TAFA1: variants seen among roughly 807,000 people sequenced by gnomAD.
TAFA1 encodes the protein chemokine-like protein TAFA-1.
Under a neutral mutation model 18.5 loss-of-function variants are expected in TAFA1, and 4 were observed. The ratio of observed to expected loss-of-function variants is 0.22; its 90% confidence interval spans 0.11 to 0.49. TAFA1 has a LOEUF of 0.49. Among genes scored for constraint, TAFA1 ranks in the 20% least tolerant of loss-of-function variants. The pLI is 0.98. For missense variants in TAFA1, 147 were observed against 169.0 expected, an observed-to-expected ratio of 0.87 and a Z score of 0.72; for synonymous variants, 56 against 55.2, an observed-to-expected ratio of 1.01 and a Z score of -0.06.
intron 2 of TAFA1, among the ~76,000 whole-genome samples, chr3:68,163,718 A>C (rs2065951381): frequency 6.6e-6 from 1 of 152,206 alleles, no homozygotes; most frequent in African/African-American, 2.4e-5. Flanking sequence ...CAGTATCCTA[A>C]GTACCTGGTT....
At position 68,104,797 on chromosome 3, in the gene TAFA1, T is replaced by C. The variant is rs532661994; in HGVS notation, c.118+98053T>C. On this transcript the variant is annotated intron_variant, in intron 2 of 4. Coordinates refer to ENST00000478136, the MANE Select transcript of TAFA1 (RefSeq NM_213609.4). ...ACCTTAGGGCATGCAAAGACTGAAA[T>C]ATTTACTATCTATCCTTTGTGGGAA... 4.6e-5 allele frequency among the ~76,000 whole-genome samples: 7 copies of C among 152,250 alleles called. No homozygotes were observed. The South Asian group carries it at 1.5e-3, about 32-fold the overall frequency.
At chr3:68,371,875 C>T (rs2069713312) in intron 2 of TAFA1, among the ~76,000 whole-genome samples, 1 of 152,188 alleles carries the variant, frequency 6.6e-6, no homozygotes, top group Non-Finnish European at 1.5e-5. Context: ...TGGTCAGTGT[C>T]AGTACCAGCT....
At chr3:68,145,091 G>A in intron 2 of TAFA1, 1 of 1,328,386 alleles carries the variant, frequency 7.5e-7, no homozygotes, top group Non-Finnish European at 1.1e-6. Context: ...GGCCCCTGGA[G>A]GAATTGCTAC....
At chr3:68,088,359 G>A (rs1312843007) in intron 2 of TAFA1, among the ~76,000 whole-genome samples, 2 of 152,070 alleles carry the variant, frequency 1.3e-5, no homozygotes, top group African/African-American at 4.8e-5. Flanking sequence ...ACATATAGAG[G>A]TTTCCGCTCA....
At chr3:68,174,303 C>A (rs1411362838) in intron 2 of TAFA1, among the ~76,000 whole-genome samples, 2 of 152,154 alleles carry the variant, frequency 1.3e-5, no homozygotes, top group Non-Finnish European at 2.9e-5. Flanking sequence ...ATCTTGGAGT[C>A]CCACATGTTG....
chr3:68,484,567 GA>G (rs2072302564), intron 3 of TAFA1, among the ~76,000 whole-genome samples: 1 of 152,136 alleles, frequency 6.6e-6, no homozygotes, highest in South Asian at 2.1e-4. Context: ...TTTTCTGAAT[GA>G]TCAAAGCCTA....
At chr3:68,540,184 A>G (rs2073349349) in intron 4 of TAFA1, among the ~76,000 whole-genome samples, 1 of 151,896 alleles carries the variant, frequency 6.6e-6, no homozygotes, top group Admixed American at 6.6e-5. Context: ...AGGTGAAAAC[A>G]TCTTGTGTAT....
At chr3:68,084,641 A>G in intron 2 of TAFA1, among the ~76,000 whole-genome samples, 1 of 151,976 alleles carries the variant, frequency 6.6e-6, no homozygotes, top group East Asian at 1.9e-4. Flanking sequence ...CTACTAAAAC[A>G]TACAAAATTA....
intron 2 of TAFA1, among the ~76,000 whole-genome samples, chr3:68,406,314 A>G (rs966172398): frequency 6.6e-6 from 1 of 152,196 alleles, no homozygotes; most frequent in South Asian, 2.1e-4. Context: ...AGCCTAATCA[A>G]CTATTGCCTA....
At chr3:68,067,309 C>G (rs1026976749) in intron 2 of TAFA1, among the ~76,000 whole-genome samples, 1 of 152,144 alleles carries the variant, frequency 6.6e-6, no homozygotes, top group African/African-American at 2.4e-5. Context: ...GTTAAACACT[C>G]CCATTCCTTC....
At chr3:68,203,758 A>C (rs567997949) in intron 2 of TAFA1, among the ~76,000 whole-genome samples, 1 of 151,564 alleles carries the variant, frequency 6.6e-6, no homozygotes, top group African/African-American at 2.4e-5. Context: ...CTCTGATAAA[A>C]CCCCATCAAG....
At chr3:68,328,779 C>T (rs1483302396) in intron 2 of TAFA1, among the ~76,000 whole-genome samples, 2 of 151,734 alleles carry the variant, frequency 1.3e-5, no homozygotes, top group Non-Finnish European at 2.9e-5. Context: ...TGTATATGGC[C>T]TTGCATCTCT....
At chr3:68,467,641 C>T (rs1458245502) in intron 3 of TAFA1, among the ~76,000 whole-genome samples, 2 of 152,118 alleles carry the variant, frequency 1.3e-5, no homozygotes, top group African/African-American at 2.4e-5. Context: ...GAGGAAACAT[C>T]AGGGGTAAGG....
At chr3:68,080,805 C>T (rs2064888175) in intron 2 of TAFA1, among the ~76,000 whole-genome samples, 2 of 152,114 alleles carry the variant, frequency 1.3e-5, no homozygotes, top group African/African-American at 4.8e-5. Context: ...AGTTGGTCTT[C>T]TCGAGGAGTA....
intron 3 of TAFA1, among the ~76,000 whole-genome samples, chr3:68,450,966 G>A (rs906598512): frequency 1.3e-5 from 2 of 152,106 alleles, no homozygotes; most frequent in Non-Finnish European, 1.5e-5. Context: ...GAAACTGAAC[G>A]AAAATGAAGT....
chr3:68,311,732 G>T (rs2068521376), intron 2 of TAFA1, among the ~76,000 whole-genome samples: 1 of 152,234 alleles, frequency 6.6e-6, no homozygotes, highest in Non-Finnish European at 1.5e-5. Flanking sequence ...CTGTTGTTGA[G>T]TGTCTGTGGG....
chr3:68,523,836 T>G (rs2073064157), intron 3 of TAFA1, among the ~76,000 whole-genome samples: 1 of 152,190 alleles, frequency 6.6e-6, no homozygotes, highest in South Asian at 2.1e-4. Context: ...GTTTTGGATT[T>G]AGGTGCAGAA....
At chr3:68,486,568 C>T (rs1189750505) in intron 3 of TAFA1, among the ~76,000 whole-genome samples, 2 of 152,150 alleles carry the variant, frequency 1.3e-5, no homozygotes, top group African/African-American at 4.8e-5. Context: ...AAGACTGTTT[C>T]CTCATATATA....
intron 2 of TAFA1, among the ~76,000 whole-genome samples, chr3:68,414,868 T>C: frequency 6.6e-6 from 1 of 152,196 alleles, no homozygotes; most frequent in East Asian, 1.9e-4. Context: ...CCTTGTGCCA[T>C]TTTCAATCAT....
Sources: gnomAD v4.1 joint callset for allele counts (sites outside exome capture counted in the v4.1 genomes callset) on GRCh38, gnomAD v4.1.1 for gene constraint, MANE v1.5 for transcripts, NCBI Gene and HGNC (gene_info 2026-07-23, HGNC 2026-07-21) for gene names.